CTNNA3: variants seen among roughly 807,000 people sequenced by gnomAD.
CTNNA3 encodes catenin alpha-3.
Under a neutral mutation model 95.7 loss-of-function variants are expected in CTNNA3, and 76 were observed. That is an observed-to-expected ratio of 0.79 (90% CI 0.66 to 0.96). The LOEUF (loss-of-function observed/expected upper bound fraction) is 0.96. CTNNA3 is among the 40% of genes least tolerant of loss of function. The probability of loss-of-function intolerance (pLI) is 0.00; values close to 1 mark genes in which losing one functional copy is unlikely to be tolerated. For synonymous variants in CTNNA3, 431 were observed against 374.4 expected, an observed-to-expected ratio of 1.15 and a Z score of -1.74; for missense variants, 1,191 against 1,089.8, an observed-to-expected ratio of 1.09 and a Z score of -1.31.
At chr10:67,143,006 T>C (rs1860654227) in intron 7 of CTNNA3, among the ~76,000 whole-genome samples, 1 of 152,148 alleles carries the variant, frequency 6.6e-6, no homozygotes, top group South Asian at 2.1e-4. Flanking sequence ...TTTTTGATGG[T>C]GGCGGTTCTT....
intron 13 of CTNNA3, among the ~76,000 whole-genome samples, chr10:66,201,783 C>CTTTTTTTTTTTTTTTT (rs1236010501): frequency 2.4e-4 from 19 of 79,368 alleles, no homozygotes; most frequent in East Asian, 7.8e-4. Flanking sequence ...TTTACTTTTT[C>CTTTTTTTTTTTTTTTT]TTTTTTTTTT....
chr10:67,379,123 G>A (rs1843814193), intron 5 of CTNNA3, among the ~76,000 whole-genome samples: 1 of 152,150 alleles, frequency 6.6e-6, no homozygotes, highest in South Asian at 2.1e-4. Flanking sequence ...TACTACATAT[G>A]TCTTAAAATA....
At chr10:66,799,033 G>GA (rs755588035) in intron 7 of CTNNA3, among the ~76,000 whole-genome samples, 8 of 151,462 alleles carry the variant, frequency 5.3e-5, no homozygotes, top group Admixed American at 1.3e-4. Flanking sequence ...AAAAGGAAAA[G>GA]AAAAAACCAC....
chr10:67,648,826 A>G, intron 1 of CTNNA3: 1 of 1,275,538 alleles, frequency 7.8e-7, no homozygotes, highest in Non-Finnish European at 1.0e-6. Context: ...GCTGCAATGT[A>G]AGAGACACGC....
At chr10:67,102,857 T>C (rs1278607501) in intron 7 of CTNNA3, among the ~76,000 whole-genome samples, 1 of 151,882 alleles carries the variant, frequency 6.6e-6, no homozygotes, top group Admixed American at 6.6e-5. Flanking sequence ...AATGACGGTC[T>C]GATTCCAGGT....
chr10:67,342,099 C>CTTTTTTTTTTTTTTTTTTTTTTTTTTTTT (rs764381058), intron 5 of CTNNA3, among the ~76,000 whole-genome samples: 1 of 83,660 alleles, frequency 1.2e-5, no homozygotes, highest in Non-Finnish European at 2.2e-5. Flanking sequence ...TATTTTTCTT[C>CTTTTTTTTTTTTTTTTTTTTTTTTTTTTT]TTTTTTTTTT....
chr10:65,960,473 C>T (rs1004357804), intron 17 of CTNNA3, among the ~76,000 whole-genome samples: 1 of 151,822 alleles, frequency 6.6e-6, no homozygotes, highest in African/African-American at 2.4e-5. Context: ...TGCAGTGAGC[C>T]GAGATCACGC....
rs899629255 is a variant in CTNNA3 at position 66,225,614 on chromosome 10, C to T, written c.1884+54856G>A. ...ATATCAAGTAATGGGATTGCTGGAT[C>T]ATATGGTATTCAAATTTTTAATTTT... On this transcript the variant is annotated intron_variant, in intron 13 of 17. Coordinates refer to ENST00000433211, the MANE Select transcript of CTNNA3 (RefSeq NM_013266.4). Among the ~76,000 whole-genome samples, 14 of 151,450 alleles carry T rather than the reference C, an allele frequency of 9.2e-5. No individual in the cohort carries two copies. The East Asian group carries it at 2.7e-3, about 29-fold the overall frequency.
At chr10:66,870,093 C>A (rs1004206557) in intron 7 of CTNNA3, among the ~76,000 whole-genome samples, 1 of 152,102 alleles carries the variant, frequency 6.6e-6, no homozygotes, top group African/African-American at 2.4e-5. Flanking sequence ...AAGGAAACAT[C>A]GTACCACCCA....
At chr10:66,823,398 A>T (rs894448203) in intron 7 of CTNNA3, among the ~76,000 whole-genome samples, 4 of 151,646 alleles carry the variant, frequency 2.6e-5, no homozygotes, top group African/African-American at 4.9e-5. Flanking sequence ...TTAAAAAAAA[A>T]TTTCTTAAAC....
At chr10:65,925,865 A>G (rs867959629) in intron 17 of CTNNA3, among the ~76,000 whole-genome samples, 1 of 151,912 alleles carries the variant, frequency 6.6e-6, no homozygotes, top group African/African-American at 2.4e-5. Flanking sequence ...CCCTAAAACT[A>G]TTTTCCTCAC....
In CTNNA3 at chr10:67,736,979, G is replaced by C. The variant is rs56314253; in HGVS notation, c.-2+26455C>G. 3.3e-5 allele frequency among the ~76,000 whole-genome samples: 5 copies of C among 150,822 alleles called. No individual in the cohort carries two copies. The South Asian group carries it at 6.3e-4, about 19-fold the overall frequency. On this transcript the variant is annotated intron_variant, in intron 1 of 17. Coordinates refer to the CTNNA3 transcript ENST00000684154. ...ACCTTTTTATTTTAATTTTTTTTTG[G>C]GGGGGACAGCGTCTCACACTGTCAC...
At chr10:66,354,764 C>G (rs1327847295) in intron 12 of CTNNA3, among the ~76,000 whole-genome samples, 6 of 152,068 alleles carry the variant, frequency 3.9e-5, no homozygotes, top group Non-Finnish European at 8.8e-5. Flanking sequence ...TGGGCTCTCT[C>G]TTCCCGAACT....
Position 65,998,010 on chromosome 10 carries a change from G to A in CTNNA3, c.2160-9213C>T, listed in dbSNP as rs948751865. On this transcript the variant is annotated intron_variant, in intron 15 of 17. Coordinates refer to ENST00000433211, the MANE Select transcript of CTNNA3 (RefSeq NM_013266.4). ...TGCCTGGGCAACAAGGTGAAACTCT[G>A]TCTCAAAAAAAACAAAAAAGAACTA... 1.4e-4 allele frequency among the ~76,000 whole-genome samples: 22 copies of A among 152,034 alleles called. 1 individual carries two copies. Among genetic ancestry groups the A allele is most frequent in the Admixed American group, 1.4e-3 (22 of 15,272 alleles).
chr10:67,217,689 A>G (rs1188182961), intron 6 of CTNNA3, among the ~76,000 whole-genome samples: 1 of 152,200 alleles, frequency 6.6e-6, no homozygotes, highest in Admixed American at 6.5e-5. Flanking sequence ...AAGGAGGAAC[A>G]ATTTGGAAAT....
chr10:67,758,165 A>C (rs926382663), intron 1 of CTNNA3, among the ~76,000 whole-genome samples: 12 of 152,146 alleles, frequency 7.9e-5, no homozygotes, highest in Admixed American at 7.9e-4. Flanking sequence ...TTCAGACCCG[A>C]ACTGAACTAT....
chr10:67,511,892 A>G (rs1401901044), intron 5 of CTNNA3, among the ~76,000 whole-genome samples: 8 of 152,096 alleles, frequency 5.3e-5, no homozygotes, highest in Non-Finnish European at 1.2e-4. Context: ...TGGTCTATTC[A>G]GAGATTCAAC....
intron 1 of CTNNA3, among the ~76,000 whole-genome samples, chr10:67,716,286 TTTCTAA>T (rs1397942851): frequency 6.6e-6 from 1 of 152,132 alleles, no homozygotes; most frequent in Non-Finnish European, 1.5e-5. Context: ...ACCATGATCT[TTTCTAA>T]TTCTGATTGT....
intron 1 of CTNNA3, among the ~76,000 whole-genome samples, chr10:67,657,840 T>G (rs1444970829): frequency 9.9e-6 from 1 of 100,716 alleles, no homozygotes; most frequent in African/African-American, 4.6e-5. Flanking sequence ...ACAGTGAAAT[T>G]CCATCTCAAA....
Sources: gnomAD v4.1 joint callset for allele counts (sites outside exome capture counted in the v4.1 genomes callset) on GRCh38, gnomAD v4.1.1 for gene constraint, MANE v1.5 for transcripts, NCBI Gene and HGNC (gene_info 2026-07-23, HGNC 2026-07-21) for gene names.